NDE1: variants seen among roughly 807,000 people sequenced by gnomAD.
NDE1 encodes the protein nuclear distribution protein nudE homolog 1.
NDE1 carries 28 observed loss-of-function variants against 43.4 expected under a neutral mutation model. The ratio of observed to expected loss-of-function variants is 0.65; its 90% CI spans 0.48 to 0.89. NDE1 has a LOEUF of 0.89. Ranked by LOEUF, NDE1 falls within the 40% of genes least tolerant of loss-of-function variation. The pLI, the probability that NDE1 is intolerant of heterozygous loss-of-function variation, is 0.00. For missense variants in NDE1, 441 were observed against 434.1 expected, an observed-to-expected ratio of 1.02 and a Z score of -0.14; for synonymous variants, 184 against 172.0, an observed-to-expected ratio of 1.07 and a Z score of -0.55.
rs1279035677 is a variant in NDE1, at chr16:15,659,261, T to A, written c.-43-5475T>A. Among the ~76,000 whole-genome samples the A allele has an allele frequency of 3.9e-5, 6 of 152,148 alleles. No individual in the cohort carries two copies. The East Asian group carries it at 9.7e-4, about 24-fold the overall frequency. ...CCAGAAGTTAGTGGTGGTGTCTGTG[T>A]TGACACTTACATGTTTAGCCTAATG... On this transcript the variant is annotated intron_variant, in intron 1 of 8. Transcript: ENST00000396354.
chr16:15,697,692 G>A (rs925833567), intron 8 of NDE1, among the ~76,000 whole-genome samples: 7 of 152,052 alleles, frequency 4.6e-5, no homozygotes, highest in Non-Finnish European at 1.0e-4. Flanking sequence ...CAGCCTGGGT[G>A]ACAGAGCAAG....
At chr16:15,711,755 C>T (rs952082280) in intron 8 of NDE1, among the ~76,000 whole-genome samples, 6 of 151,992 alleles carry the variant, frequency 3.9e-5, no homozygotes, top group African/African-American at 7.2e-5. Context: ...TGCAGTGGTG[C>T]GATCTCAGCT....
intron 8 of NDE1, among the ~76,000 whole-genome samples, chr16:15,710,052 A>G (rs879751878): frequency 4.6e-5 from 7 of 152,162 alleles, no homozygotes; most frequent in South Asian, 2.1e-4. Flanking sequence ...GCCTGATTTT[A>G]TGTTTTTGTG....
upstream of NDE1, among the ~76,000 whole-genome samples, chr16:15,647,601 T>C (rs569610181): frequency 4.6e-5 from 7 of 152,226 alleles, no homozygotes; most frequent in Non-Finnish European, 8.8e-5. Context: ...ATAGCACTTA[T>C]CAGTATCTGA....
chr16:15,691,413 G>A, intron 6 of NDE1, 90 bp downstream of exon 6: 1 of 1,427,186 alleles, frequency 7.0e-7, no homozygotes. Context: ...GTGATGATTT[G>A]CATCAGGCTC....
intron 3 of NDE1, among the ~76,000 whole-genome samples, chr16:15,668,720 CGT>C: frequency 6.6e-6 from 1 of 152,298 alleles, no homozygotes; most frequent in Non-Finnish European, 1.5e-5. Context: ...TTAGGAGCCA[CGT>C]GTGGCCAGTG....
At chr16:15,645,157 T>C (rs374719732) in intron 1 of NDE1, among the ~76,000 whole-genome samples, 21 of 152,286 alleles carry the variant, frequency 1.4e-4, no homozygotes, top group South Asian at 2.1e-4. Context: ...TAGCCTCAAG[T>C]GATCCTCCCG....
upstream of NDE1, chr16:15,650,215 G>GT (rs1161503059): frequency 5.4e-6 from 1 of 184,822 alleles, no homozygotes; most frequent in Non-Finnish European, 1.1e-5. Context: ...CGGGGGCGGG[G>GT]TCCGGAGGGC....
intron 3 of NDE1, among the ~76,000 whole-genome samples, chr16:15,674,096 G>A (rs1596580883): frequency 6.6e-6 from 1 of 152,134 alleles, no homozygotes; most frequent in South Asian, 2.1e-4. Flanking sequence ...GTATGTAATG[G>A]ATGTTATTGC....
intron 8 of NDE1, chr16:15,697,071 C>T: frequency 6.8e-7 from 1 of 1,479,614 alleles, no homozygotes; most frequent in Non-Finnish European, 8.9e-7. Context: ...TTTTGTGAGA[C>T]AGGGTCTCAC....
chr16:15,717,005 C>T, intron 8 of NDE1: 1 of 979,672 alleles, frequency 1.0e-6, no homozygotes, highest in Non-Finnish European at 1.6e-6. Flanking sequence ...TCACAACATA[C>T]CTGCACTGTA....
At position 15,710,615 on chromosome 16, in the gene NDE1, G is replaced by A. The variant is rs150113973; in HGVS notation, c.948-13576G>A. Among the ~76,000 whole-genome samples, 6 of 152,152 alleles carry A rather than the reference G, an allele frequency of 3.9e-5. No homozygotes were observed. In the East Asian group the frequency reaches 9.7e-4, roughly 25 times the overall value. ...GAGTCAGAGTGGCTGTATCCCCATC[G>A]CTCAGCCCAGCCACTCAGGAGAGGC... On this transcript the variant is annotated intron_variant, in intron 8 of 8. Coordinates refer to ENST00000396354, the MANE Select transcript of NDE1 (RefSeq NM_017668.3).
intron 3 of NDE1, among the ~76,000 whole-genome samples, chr16:15,671,028 C>T (rs939359472): frequency 6.6e-6 from 1 of 152,152 alleles, no homozygotes; most frequent in African/African-American, 2.4e-5. Flanking sequence ...TGATCGCCTT[C>T]AGGGGTTTTT....
At chr16:15,690,759 T>C (rs746660465) in intron 5 of NDE1, among the ~76,000 whole-genome samples, 15 of 152,180 alleles carry the variant, frequency 9.9e-5, no homozygotes, top group Middle Eastern at 3.4e-3. Flanking sequence ...TGGTATCTAC[T>C]GTTGAACCTC....
chr16:15,716,679 ACT>A (rs2040168375), intron 8 of NDE1, among the ~76,000 whole-genome samples: 1 of 152,010 alleles, frequency 6.6e-6, no homozygotes, highest in African/African-American at 2.4e-5. Context: ...GTGCCACCAC[ACT>A]CGGCTAATTT....
intron 8 of NDE1, among the ~76,000 whole-genome samples, chr16:15,710,771 G>C (rs2039741157): frequency 6.6e-6 from 1 of 152,020 alleles, no homozygotes; most frequent in Non-Finnish European, 1.5e-5. Context: ...CCTCCTCCTG[G>C]GTTGCAAAGG....
chr16:15,704,786 C>T (rs1376242771), intron 8 of NDE1, among the ~76,000 whole-genome samples: 3 of 152,170 alleles, frequency 2.0e-5, no homozygotes, highest in East Asian at 1.9e-4. Context: ...CCGCACATGG[C>T]GTAAAACAGG....
At chr16:15,711,063 A>T (rs1475623704) in intron 8 of NDE1, 1 of 152,044 alleles carries the variant, frequency 6.6e-6, no homozygotes, top group Admixed American at 6.6e-5. Flanking sequence ...GTACTTTGGG[A>T]GCCTAGGCCT....
At chr16:15,707,753 C>T (rs1365633472) in intron 8 of NDE1, among the ~76,000 whole-genome samples, 3 of 152,136 alleles carry the variant, frequency 2.0e-5, no homozygotes, top group African/African-American at 2.4e-5. Flanking sequence ...GCGCGGATCA[C>T]CTGAAGTCAG....
Sources: gnomAD v4.1 joint callset for allele counts (sites outside exome capture counted in the v4.1 genomes callset) on GRCh38, gnomAD v4.1.1 for gene constraint, MANE v1.5 for transcripts, NCBI Gene and HGNC (gene_info 2026-07-23, HGNC 2026-07-21) for gene names.